Variants in DOCK3 observed in about 807,000 individuals in gnomAD.
DOCK3 encodes dedicator of cytokinesis protein 3.
In DOCK3, 60 loss-of-function variants were observed where a neutral mutation model predicts 265.6. The observed-to-expected ratio is 0.23, with a 90% CI of 0.18 to 0.28. The LOEUF is 0.28. DOCK3 is among the 10% of genes least tolerant of loss of function. The pLI is 1.00. For synonymous variants in DOCK3, 881 were observed against 938.0 expected (o/e 0.94, Z 1.11); for missense variants, 1,981 against 2,594.3 (o/e 0.76, Z 5.14).
At chr3:50,900,481 A>G (rs1056166264) in intron 4 of DOCK3, among the ~76,000 whole-genome samples, 6 of 152,116 alleles carry the variant, frequency 3.9e-5, no homozygotes, top group Non-Finnish European at 7.4e-5. Flanking sequence ...ACTTCTGTCA[A>G]TTTGTCAAAC....
intron 4 of DOCK3, among the ~76,000 whole-genome samples, chr3:50,900,187 A>T (rs1036061420): frequency 2.0e-5 from 3 of 151,556 alleles, no homozygotes; most frequent in Admixed American, 1.3e-4. Context: ...TTCATTCTTT[A>T]TTCTCTTATC....
intron 5 of DOCK3, among the ~76,000 whole-genome samples, chr3:50,978,287 G>A (rs944313871): frequency 7.3e-5 from 11 of 150,756 alleles, no homozygotes; most frequent in Non-Finnish European, 1.3e-4. Context: ...ATCTACTTTT[G>A]GTCTTTGATG....
intron 5 of DOCK3, among the ~76,000 whole-genome samples, chr3:51,041,351 G>A (rs192877213): frequency 6.7e-6 from 1 of 149,500 alleles, no homozygotes. Flanking sequence ...CCAAGTAGCT[G>A]GGACTACAGG....
chr3:50,992,066 C>T (rs1454681079), intron 5 of DOCK3, among the ~76,000 whole-genome samples: 1 of 152,016 alleles, frequency 6.6e-6, no homozygotes. Context: ...TACAACATAC[C>T]AGAATCTCTG....
intron 4 of DOCK3, among the ~76,000 whole-genome samples, chr3:50,924,021 G>T (rs1190465642): frequency 3.9e-5 from 6 of 152,148 alleles, no homozygotes; most frequent in Non-Finnish European, 1.5e-5. Context: ...TTGTTTGTTT[G>T]TTTGTTCAGT....
intron 5 of DOCK3, among the ~76,000 whole-genome samples, chr3:50,958,819 G>GC (rs1189194329): frequency 1.3e-5 from 2 of 152,050 alleles, no homozygotes; most frequent in Middle Eastern, 3.4e-3. Context: ...ACTTCAGTGA[G>GC]CCCCCCCAAA....
intron 2 of DOCK3, among the ~76,000 whole-genome samples, chr3:50,782,483 G>A (rs1263090708): frequency 2.0e-5 from 3 of 151,062 alleles, no homozygotes; most frequent in Non-Finnish European, 2.9e-5. Flanking sequence ...GTAGAGACGG[G>A]GTTTCACCTT....
intron 1 of DOCK3, among the ~76,000 whole-genome samples, chr3:50,709,511 T>G (rs2036620337): frequency 6.6e-6 from 1 of 152,198 alleles, no homozygotes; most frequent in South Asian, 2.1e-4. Flanking sequence ...TTAATTATAG[T>G]ATTAGCCATG....
Position 51,090,318 on chromosome 3 carries a change from A to G in DOCK3, c.680A>G (p.Asn227Ser), listed in dbSNP as rs1003211897. The G allele has an allele frequency of 5.0e-6, 8 of 1,604,164 alleles. No homozygotes were observed. The Admixed American group carries it at 6.8e-5, about 14-fold the overall frequency. ...CTCAGCCTGAAGAGTTTCACTTACA[A>G]TACTATTGGGGAAGATACCGATGTC... is the stretch of plus-strand genomic sequence containing the variant. Reference protein sequence around the residue: ...FFLSLKSFTYNTIGEDTDVFF... With the variant: ...FFLSLKSFTYSTIGEDTDVFF... Residue 227 changes from asparagine (N) to serine (S), a missense_variant, in exon 9 of 53, where the codon AAT becomes AGT. Physicochemically the swap from Asn to Ser is conservative, Grantham distance 46 (BLOSUM62 1). Around this residue, in one of 4 missense-constraint regions of DOCK3, gnomAD observed 456 missense variants for 539.0 expected, o/e 0.85. Coordinates refer to ENST00000266037, the MANE Select transcript of DOCK3 (RefSeq NM_004947.5).
intron 7 of DOCK3, among the ~76,000 whole-genome samples, chr3:51,077,988 C>T (rs993485570): frequency 6.7e-5 from 10 of 150,346 alleles, no homozygotes; most frequent in South Asian, 2.1e-4. Context: ...ACTATTTGGG[C>T]GATGGGTACA....
chr3:50,904,214 A>G (rs1448188448), intron 4 of DOCK3, among the ~76,000 whole-genome samples: 11 of 152,252 alleles, frequency 7.2e-5, no homozygotes, highest in East Asian at 5.8e-4. Context: ...ATAGTGCCAC[A>G]TTAAACATAC....
intron 6 of DOCK3, among the ~76,000 whole-genome samples, chr3:51,069,605 A>C (rs943189909): frequency 6.6e-6 from 1 of 150,804 alleles, no homozygotes; most frequent in Non-Finnish European, 1.5e-5. Context: ...TATATATATA[A>C]ATTTCTGGTT....
chr3:50,992,589 G>A (rs1417431986), intron 5 of DOCK3, among the ~76,000 whole-genome samples: 2 of 152,182 alleles, frequency 1.3e-5, no homozygotes, highest in Admixed American at 6.5e-5. Flanking sequence ...GAGCCAACTC[G>A]CCCAGCCCAG....
intron 5 of DOCK3, among the ~76,000 whole-genome samples, chr3:51,031,418 C>T (rs879801105): frequency 6.6e-6 from 1 of 152,122 alleles, no homozygotes; most frequent in Admixed American, 6.5e-5. Context: ...TGTTTTAATC[C>T]ACCAGCCTTA....
At chr3:51,021,091 C>G (rs978070567) in intron 5 of DOCK3, among the ~76,000 whole-genome samples, 6 of 151,958 alleles carry the variant, frequency 3.9e-5, no homozygotes, top group Non-Finnish European at 7.3e-5. Flanking sequence ...TTGATTCTTC[C>G]TATCCATGAG....
rs202179348 is a variant in DOCK3 at position 50,931,991 on chromosome 3, A to G, written c.219-1990A>G. ...TCTGCTGGATTCCTAGACTCCCACA[A>G]AGGTACTCTTGTCCATAAGTTGTGG... On this transcript the variant is annotated intron_variant, in intron 4 of 52. Transcript: ENST00000266037. 3.3e-5 allele frequency among the ~76,000 whole-genome samples: 5 copies of G among 152,208 alleles called. No homozygotes were observed. In the East Asian group the frequency reaches 9.6e-4, roughly 29 times the overall value.
intron 12 of DOCK3, among the ~76,000 whole-genome samples, chr3:51,181,293 C>T (rs968058525): frequency 1.9e-5 from 2 of 103,094 alleles, no homozygotes; most frequent in Non-Finnish European, 3.6e-5. Flanking sequence ...CCCCCTCCCC[C>T]CACCCCACAA....
Position 50,742,540 on chromosome 3 carries a change from G to A in DOCK3, c.38-36135G>A, listed in dbSNP as rs1156345391. Among the ~76,000 whole-genome samples the A allele has an allele frequency of 1.2e-4, 18 of 151,740 alleles. No homozygotes were observed. In the South Asian group the frequency reaches 1.9e-3, roughly 16 times the overall value. Reference sequence around the variant, plus strand: ...CTGAAAGCCAAGGCTCGAGAACTACGTGAAGAATGCAGAAGCCTCAGGAGC... The same window carrying A: ...CTGAAAGCCAAGGCTCGAGAACTACATGAAGAATGCAGAAGCCTCAGGAGC... On this transcript the variant is annotated intron_variant, in intron 1 of 52. Coordinates refer to ENST00000266037, the MANE Select transcript of DOCK3 (RefSeq NM_004947.5).
chr3:51,312,616 C>G (rs770404754), intron 30 of DOCK3, 40 bp downstream of exon 30: 37 of 1,509,570 alleles, frequency 2.5e-5, no homozygotes, highest in Non-Finnish European at 3.3e-5. Context: ...TACCACTTGG[C>G]CAAATAGGGC....
Sources: allele counts gnomAD v4.1 joint callset (sites outside exome capture counted in the v4.1 genomes callset), GRCh38; gene constraint gnomAD v4.1.1; regional missense constraint gnomAD v4.1.1; transcripts MANE v1.5; gene names NCBI Gene and HGNC (gene_info 2026-07-23, HGNC 2026-07-21).